THSD4: variants seen among roughly 807,000 people sequenced by gnomAD.
THSD4 encodes the protein thrombospondin type 1 domain containing 4.
Under a neutral mutation model 119.0 loss-of-function variants are expected in THSD4, and 69 were observed. The observed-to-expected ratio is 0.58, with a 90% CI of 0.48 to 0.71. The LOEUF is 0.71. Among genes scored for constraint, THSD4 ranks in the 30% least tolerant of loss-of-function variants. THSD4 has a pLI of 0.00. For missense variants in THSD4, 1,393 were observed against 1,391.1 expected, an observed-to-expected ratio of 1.00 and a Z score of -0.02; for synonymous variants, 524 against 540.4, an observed-to-expected ratio of 0.97 and a Z score of 0.42.
intron 6 of THSD4, among the ~76,000 whole-genome samples, chr15:71,373,119 AC>A (rs1467518666): frequency 3.0e-4 from 46 of 152,242 alleles, no homozygotes; most frequent in African/African-American, 9.6e-4. Flanking sequence ...GGGGTTGGAA[AC>A]AGTTTATCTA....
intron 7 of THSD4, among the ~76,000 whole-genome samples, chr15:71,566,991 C>A (rs988673361): frequency 6.6e-6 from 1 of 152,066 alleles, no homozygotes; most frequent in African/African-American, 2.4e-5. Context: ...AGGGACCAAC[C>A]CTCTCTCGTT....
chr15:71,550,406 A>C (rs993400745), intron 7 of THSD4, among the ~76,000 whole-genome samples: 9 of 152,156 alleles, frequency 5.9e-5, no homozygotes, highest in African/African-American at 2.2e-4. Flanking sequence ...TAATATGATA[A>C]ATTCTGCAAA....
intron 6 of THSD4, among the ~76,000 whole-genome samples, chr15:71,308,604 T>C (rs1350620017): frequency 6.6e-6 from 1 of 152,246 alleles, no homozygotes; most frequent in East Asian, 1.9e-4. Context: ...TTCATTTTAA[T>C]TGCCAAGTAA....
chr15:71,611,823 A>T (rs2050234951), intron 7 of THSD4, among the ~76,000 whole-genome samples: 1 of 152,220 alleles, frequency 6.6e-6, no homozygotes, highest in Admixed American at 6.5e-5. Flanking sequence ...GCAAGACAGG[A>T]TTAAGGAACA....
chr15:71,150,099 G>A (rs1336782970), intron 2 of THSD4, among the ~76,000 whole-genome samples: 1 of 152,112 alleles, frequency 6.6e-6, no homozygotes, highest in Non-Finnish European at 1.5e-5. Context: ...AAAGGAGTGT[G>A]GGATTTGTTT....
In THSD4 at chr15:71,536,449, A is replaced by G. The variant is rs60481550; in HGVS notation, c.1153-124081A>G. 3.1e-3 allele frequency among the ~76,000 whole-genome samples: 468 copies of G among 152,318 alleles called. 1 individual carries two copies. The highest frequency in any genetic ancestry group is 9.8e-3 in the African/African-American group (408 of 41,576). ...ATAATCTCTGTATTTTAAAGTCATC[A>G]GAGTAGCCATGTTAATTCCATCTGC... On this transcript the variant is annotated intron_variant, in intron 7 of 17. Coordinates refer to ENST00000261862, the MANE Select transcript of THSD4 (RefSeq NM_024817.3).
chr15:71,358,650 C>G (rs1566953375), intron 6 of THSD4, among the ~76,000 whole-genome samples: 1 of 152,212 alleles, frequency 6.6e-6, no homozygotes, highest in Non-Finnish European at 1.5e-5. Context: ...TAGGATTTAC[C>G]TCTGGTTGCT....
At chr15:71,748,620 C>T (rs746779449) in intron 14 of THSD4, 26 bp downstream of exon 14, 15 of 1,611,926 alleles carry the variant, frequency 9.3e-6, no homozygotes, top group Admixed American at 6.7e-5. Context: ...GGCAGAGCGC[C>T]GGGGACCGAG....
chr15:71,280,897 A>G (rs1038671158), intron 6 of THSD4, among the ~76,000 whole-genome samples: 2 of 152,216 alleles, frequency 1.3e-5, no homozygotes, highest in African/African-American at 4.8e-5. Context: ...TTCAACTCTC[A>G]TCATACAAAG....
Position 71,199,650 on chromosome 15 carries a change from G to GCA in THSD4, c.100-15385_100-15384insCA, listed in dbSNP as rs2043762190. On this transcript the variant is annotated intron_variant, in intron 3 of 17. Transcript: ENST00000261862. The stretch of plus-strand genomic sequence containing the variant: ...GTGGTGTGTGTGGTGTGTGTGTGGT[G>GCA]TGTGTGTGTGATGCATGTGTGGAGG... 3.2e-3 allele frequency among the ~76,000 whole-genome samples: 145 copies of GCA among 45,032 alleles called. 2 individuals carry two copies. Among genetic ancestry groups the GCA allele is most frequent in the African/African-American group, 0.017 (142 of 8,384 alleles). 29.5% of individuals were successfully genotyped at this position (45,032 alleles called of 152,430 possible). A position where few individuals can be genotyped will look rare whatever the true frequency, so the allele number is the denominator to read the frequency against.
chr15:71,711,566 A>T lies in THSD4; in HGVS notation c.1358-16983A>T, dbSNP rs1430188621. ...AGGTGACAAAGAAGAGCAATAAAAT[A>T]GAGCGAAATCTAGTCATGACTCGTT... On this transcript the variant is annotated intron_variant, in intron 8 of 17. Transcript: ENST00000261862. 6.6e-5 allele frequency among the ~76,000 whole-genome samples: 10 copies of T among 152,194 alleles called. No homozygotes were observed. The East Asian group carries it at 1.9e-3, about 29-fold the overall frequency.
rs569026942 is a variant in THSD4, at chr15:71,466,831, C to G, written c.1152+55008C>G. Among the ~76,000 whole-genome samples, 14 of 152,346 alleles carry G rather than the reference C, an allele frequency of 9.2e-5. 1 individual carries two copies. In the South Asian group the frequency reaches 2.7e-3, roughly 29 times the overall value. The stretch of plus-strand genomic sequence containing the variant: ...TTAGTCACACAGTCCTCCCCTCATG[C>G]CCCATCCAGCCCCTTTCTAGCTACA... On this transcript the variant is annotated intron_variant, in intron 7 of 17. Coordinates refer to ENST00000261862, the MANE Select transcript of THSD4 (RefSeq NM_024817.3).
At chr15:71,185,022 G>A (rs961030648) in intron 3 of THSD4, among the ~76,000 whole-genome samples, 9 of 151,708 alleles carry the variant, frequency 5.9e-5, no homozygotes, top group African/African-American at 9.6e-5. Flanking sequence ...CTTTTGAGGC[G>A]TAAACCGACC....
At chr15:71,776,733 A>G (rs758128134) in intron 17 of THSD4, among the ~76,000 whole-genome samples, 1 of 152,272 alleles carries the variant, frequency 6.6e-6, no homozygotes, top group Non-Finnish European at 1.5e-5. Flanking sequence ...GTCCATCAAT[A>G]GAAAATGATT....
At chr15:71,371,982 T>G (rs988837134) in intron 6 of THSD4, among the ~76,000 whole-genome samples, 1 of 152,208 alleles carries the variant, frequency 6.6e-6, no homozygotes, top group Non-Finnish European at 1.5e-5. Context: ...TCATTTCTTT[T>G]TACTCTTTTT....
intron 6 of THSD4, among the ~76,000 whole-genome samples, chr15:71,266,623 C>T (rs575660067): frequency 6.6e-6 from 1 of 151,802 alleles, no homozygotes; most frequent in Non-Finnish European, 1.5e-5. Flanking sequence ...GATGAATTGA[C>T]AGAAGTAGGC....
Position 71,527,848 on chromosome 15 carries a change from G to A in THSD4, c.1152+116025G>A, listed in dbSNP as rs190831267. Among the ~76,000 whole-genome samples, 213 of 151,272 alleles carry A rather than the reference G, an allele frequency of 1.4e-3. 3 individuals are homozygous for A. Among genetic ancestry groups the A allele is most frequent in the African/African-American group, 4.9e-3 (203 of 41,220 alleles). On this transcript the variant is annotated intron_variant, in intron 7 of 17. Transcript: ENST00000261862. ...CCACCTTAGCCTCCTGAGTAGGTAG[G>A]ACTAAAGGTGCACACCACCACACTC...
At chr15:71,705,381 C>T (rs757484362) in intron 8 of THSD4, among the ~76,000 whole-genome samples, 4 of 152,208 alleles carry the variant, frequency 2.6e-5, no homozygotes, top group South Asian at 2.1e-4. Context: ...CCACATTCCT[C>T]AGACGCCATT....
At chr15:71,646,664 A>T (rs2050974847) in intron 7 of THSD4, among the ~76,000 whole-genome samples, 1 of 152,194 alleles carries the variant, frequency 6.6e-6, no homozygotes, top group South Asian at 2.1e-4. Flanking sequence ...AAACCAACCC[A>T]GTAAATTAGG....
Sources: allele counts gnomAD v4.1 joint callset (sites outside exome capture counted in the v4.1 genomes callset), GRCh38; gene constraint gnomAD v4.1.1; transcripts MANE v1.5; gene names NCBI Gene and HGNC (gene_info 2026-07-23, HGNC 2026-07-21).